IL15: variants seen among roughly 807,000 people sequenced by gnomAD.
IL15 encodes interleukin-15.
A neutral mutation model predicts 19.6 loss-of-function variants in IL15; 11 were observed. That is an observed-to-expected ratio of 0.56 (90% CI 0.35 to 0.93). IL15 has a LOEUF of 0.93. Ranked by LOEUF, IL15 falls within the 40% of genes least tolerant of loss-of-function variation. The probability of loss-of-function intolerance (pLI) is 0.01; values close to 1 mark genes in which losing one functional copy is unlikely to be tolerated. For synonymous variants in IL15, 58 were observed against 59.6 expected, an observed-to-expected ratio of 0.97 and a Z score of 0.12; for missense variants, 197 against 186.5, an observed-to-expected ratio of 1.06 and a Z score of -0.33.
chr4:141,693,097 T>G (rs72712418), intron 2 of IL15, among the ~76,000 whole-genome samples: 26,014 of 147,668 alleles, frequency 0.18, 2,776 homozygotes, highest in African/African-American at 0.3. Flanking sequence ...CTGACTCACA[T>G]TTCTACGTGG....
At chr4:141,727,161 TACAAC>T (rs1300545628) in intron 5 of IL15, among the ~76,000 whole-genome samples, 1 of 152,090 alleles carries the variant, frequency 6.6e-6, no homozygotes, top group African/African-American at 2.4e-5. Flanking sequence ...CTGTAAAACA[TACAAC>T]ACAAATAATG....
intron 2 of IL15, among the ~76,000 whole-genome samples, chr4:141,713,134 T>A (rs2152186805): frequency 6.6e-6 from 1 of 152,304 alleles, no homozygotes; most frequent in South Asian, 2.1e-4. Flanking sequence ...TGAGGACATT[T>A]CTTATTTGAA....
chr4:141,721,100 T>C, intron 4 of IL15: 1 of 1,500,952 alleles, frequency 6.7e-7, no homozygotes, highest in Non-Finnish European at 9.1e-7. Flanking sequence ...ACCTAACCTA[T>C]AGTTATATAA....
chr4:141,723,482 G>A lies in IL15; in HGVS notation c.195+1474G>A, dbSNP rs890340932. Among the ~76,000 whole-genome samples, 5 of 152,284 alleles carry A rather than the reference G, an allele frequency of 3.3e-5. No individual in the cohort carries two copies. The South Asian group carries it at 1.0e-3, about 32-fold the overall frequency. ...TGCCAGGATCCACCAGAACCTTGGG[G>A]AAGTCAAGAAAGCATTCTTCTCTAG... On this transcript the variant is annotated intron_variant, in intron 5 of 7. Transcript: ENST00000320650.
At chr4:141,691,303 T>C (rs1367280463) in intron 2 of IL15, among the ~76,000 whole-genome samples, 2 of 152,146 alleles carry the variant, frequency 1.3e-5, no homozygotes, top group East Asian at 3.9e-4. Flanking sequence ...CAAGATGAGA[T>C]TTGAGTGGGG....
chr4:141,714,089 C>T (rs1729794297), intron 2 of IL15, among the ~76,000 whole-genome samples: 1 of 152,016 alleles, frequency 6.6e-6, no homozygotes, highest in African/African-American at 2.4e-5. Context: ...TCTCCTCCTC[C>T]TCCTGTCCCC....
rs994581630 is a variant in IL15, at chr4:141,691,820, T to C, written c.-99-27546T>C. ...ACCCATGGGTTTTCCAGGATCATAT[T>C]GCAAGCTGTCAGTGGATCTATCTTT... On this transcript the variant is annotated intron_variant, in intron 2 of 7. Coordinates refer to ENST00000320650, the MANE Select transcript of IL15 (RefSeq NM_000585.5). Among the ~76,000 whole-genome samples, 6 of 152,294 alleles carry C rather than the reference T, an allele frequency of 3.9e-5. 1 individual carries two copies. The South Asian group carries it at 8.3e-4, about 21-fold the overall frequency.
intron 2 of IL15, among the ~76,000 whole-genome samples, chr4:141,676,668 G>T (rs1361785419): frequency 6.6e-6 from 1 of 151,972 alleles, no homozygotes; most frequent in African/African-American, 2.4e-5. Context: ...TTAGCCCAAA[G>T]CAATAAATTC....
chr4:141,686,518 A>G (rs1728719266), intron 2 of IL15, among the ~76,000 whole-genome samples: 2 of 152,264 alleles, frequency 1.3e-5, no homozygotes, highest in South Asian at 2.1e-4. Context: ...ACCTTTGACG[A>G]GTTCCTTAAA....
chr4:141,661,304 TG>T (rs1283998844), intron 2 of IL15, among the ~76,000 whole-genome samples: 2 of 152,116 alleles, frequency 1.3e-5, no homozygotes, highest in Non-Finnish European at 2.9e-5. Flanking sequence ...CTGTTTTGAG[TG>T]GGAGCTAAAC....
intron 2 of IL15, among the ~76,000 whole-genome samples, chr4:141,688,195 A>T (rs1177817842): frequency 6.6e-6 from 1 of 152,104 alleles, no homozygotes; most frequent in Admixed American, 6.5e-5. Flanking sequence ...CAGAATAGTG[A>T]CCTTACTTCT....
intron 2 of IL15, among the ~76,000 whole-genome samples, chr4:141,698,911 T>G (rs1729191320): frequency 6.6e-6 from 1 of 152,078 alleles, no homozygotes; most frequent in Admixed American, 6.6e-5. Flanking sequence ...TTCCTTGAGG[T>G]GTGATATTAG....
In IL15 at chr4:141,689,144, G is replaced by GT. The variant is rs543246658; in HGVS notation, c.-99-30220dup. 326 of 154,296 alleles carry GT rather than the reference G, an allele frequency of 2.1e-3. 1 individual carries two copies. The highest frequency in any genetic ancestry group is 3.5e-3 in the Non-Finnish European group (247 of 69,710). 9.6% of individuals were successfully genotyped at this position (154,296 alleles called of 1,614,324 possible). Reference sequence around the variant, plus strand: ...GAAGCTGCAGACCTTCGCGGTGAGTGTTACAGCTCATAAAAGCAGTGTGGA... The same window carrying GT: ...GAAGCTGCAGACCTTCGCGGTGAGTGTTTACAGCTCATAAAAGCAGTGTGGA... On this transcript the variant is annotated intron_variant, in intron 2 of 7. Coordinates refer to ENST00000320650, the MANE Select transcript of IL15 (RefSeq NM_000585.5).
chr4:141,718,640 T>C (rs996122708), intron 2 of IL15: 1 of 152,186 alleles, frequency 6.6e-6, no homozygotes, highest in Admixed American at 6.5e-5. Context: ...ATTTTTTATA[T>C]TTCAGAAACA....
intron 2 of IL15, among the ~76,000 whole-genome samples, chr4:141,693,718 T>G (rs1729001927): frequency 6.6e-6 from 1 of 152,194 alleles, no homozygotes; most frequent in Non-Finnish European, 1.5e-5. Context: ...ACACATTTGT[T>G]GGATAAATAA....
chr4:141,710,148 C>A (rs1038277945), intron 2 of IL15, among the ~76,000 whole-genome samples: 1 of 152,118 alleles, frequency 6.6e-6, no homozygotes, highest in Admixed American at 6.6e-5. Flanking sequence ...AAAATTCAGT[C>A]TACTGTTAAT....
intron 5 of IL15, among the ~76,000 whole-genome samples, chr4:141,727,254 A>G (rs751365611): frequency 6.6e-6 from 1 of 152,170 alleles, no homozygotes; most frequent in Non-Finnish European, 1.5e-5. Context: ...AATGCAAGAT[A>G]TTAACAATAG....
chr4:141,694,141 G>C (rs1269591093), intron 2 of IL15, among the ~76,000 whole-genome samples: 1 of 152,188 alleles, frequency 6.6e-6, no homozygotes. Flanking sequence ...AGAGCAGATG[G>C]ACACAGATAC....
At chr4:141,725,042 T>C (rs1465536317) in intron 5 of IL15, among the ~76,000 whole-genome samples, 8 of 152,118 alleles carry the variant, frequency 5.3e-5, no homozygotes, top group Non-Finnish European at 8.8e-5. Flanking sequence ...ATTAAAATGC[T>C]CTATAAAATA....
Sources: allele counts gnomAD v4.1 joint callset (sites outside exome capture counted in the v4.1 genomes callset), GRCh38; gene constraint gnomAD v4.1.1; transcripts MANE v1.5; gene names NCBI Gene and HGNC (gene_info 2026-07-23, HGNC 2026-07-21).